Variants in BRI3BP observed in about 807,000 individuals in gnomAD.
BRI3BP encodes the protein BRI3-binding protein.
A neutral mutation model predicts 15.8 loss-of-function variants in BRI3BP; 7 were observed. The observed-to-expected ratio is 0.44, with a 90% confidence interval of 0.25 to 0.83. BRI3BP has a LOEUF of 0.83. BRI3BP is among the 40% of genes least tolerant of loss of function. The probability of loss-of-function intolerance (pLI) is 0.20; values close to 1 mark genes in which losing one functional copy is unlikely to be tolerated. For missense variants in BRI3BP, 320 were observed against 339.3 expected, an observed-to-expected ratio of 0.94 and a Z score of 0.45; for synonymous variants, 192 against 163.5, an observed-to-expected ratio of 1.17 and a Z score of -1.33.
chr12:124,998,588 T>C (rs1955058995), intron 1 of BRI3BP, among the ~76,000 whole-genome samples: 1 of 151,968 alleles, frequency 6.6e-6, no homozygotes. Context: ...AGCAGATGGG[T>C]GGTTGCCAGG....
At chr12:125,050,616 C>T in the BRI3BP span, among the ~76,000 whole-genome samples, 2 of 152,222 alleles carry the variant, frequency 1.3e-5, no homozygotes, top group Non-Finnish European at 2.9e-5. Flanking sequence ...CGTCGGGGAA[C>T]CCCCAAGGGA....
intron 1 of BRI3BP, among the ~76,000 whole-genome samples, chr12:124,995,976 T>C (rs1488859774): frequency 6.6e-6 from 1 of 152,006 alleles, no homozygotes; most frequent in Non-Finnish European, 1.5e-5. Context: ...TGCAGTGGAG[T>C]GATCTCGTCT....
intron 2 of BRI3BP, 135 bp from the exon 3 acceptor site, chr12:125,024,856 G>A: frequency 1.4e-6 from 1 of 730,780 alleles, no homozygotes; most frequent in Non-Finnish European, 2.2e-6. Flanking sequence ...ATTCACAGAG[G>A]AACTTCCTTG....
chr12:125,027,070 G>C lies in BRI3BP; in HGVS notation c.*1640G>C, dbSNP rs770283346. 6.6e-6 allele frequency: 1 copy of C among 151,954 alleles called. No individual in the cohort carries two copies. Among genetic ancestry groups the C allele is most frequent in the East Asian group, 1.9e-4 (1 of 5,184 alleles). 9.4% of individuals were successfully genotyped at this position (151,954 alleles called of 1,614,324 possible). A position where few individuals can be genotyped will look rare whatever the true frequency, so the allele number is the denominator to read the frequency against. On this transcript the variant is annotated 3_prime_UTR_variant, in exon 3 of 3. Transcript: ENST00000341446. ...TGGCAACCCGCTCACAGTGCCCTGC[G>C]TGCAGGTTTATAGATAACCCCTGCC...
chr12:125,001,523 T>G (rs1459680678), intron 1 of BRI3BP, among the ~76,000 whole-genome samples: 2 of 151,922 alleles, frequency 1.3e-5, no homozygotes, highest in Non-Finnish European at 2.9e-5. Context: ...CCATGCCTAT[T>G]TATTTATTTA....
the BRI3BP span, among the ~76,000 whole-genome samples, chr12:125,046,743 C>T: frequency 6.6e-6 from 1 of 152,192 alleles, no homozygotes; most frequent in Non-Finnish European, 1.5e-5. Context: ...CATTATCAGT[C>T]ATACGTGCGT....
chr12:125,001,533 A>G (rs1955091197), intron 1 of BRI3BP, among the ~76,000 whole-genome samples: 1 of 151,406 alleles, frequency 6.6e-6, no homozygotes, highest in Non-Finnish European at 1.5e-5. Flanking sequence ...TTATTTATTT[A>G]TTGTATTTTT....
chr12:125,021,272 T>C (rs139874949), intron 2 of BRI3BP, among the ~76,000 whole-genome samples: 18 of 152,122 alleles, frequency 1.2e-4, no homozygotes, highest in African/African-American at 4.3e-4. Context: ...CTGTGCGGAG[T>C]CTGATCATTT....
At chr12:125,039,939 C>T in the BRI3BP span, among the ~76,000 whole-genome samples, 2 of 152,200 alleles carry the variant, frequency 1.3e-5, no homozygotes, top group Non-Finnish European at 2.9e-5. Context: ...CAGCTGTCTT[C>T]TCTTTAGCTA....
chr12:125,050,657 C>T, the BRI3BP span, among the ~76,000 whole-genome samples: 1 of 152,338 alleles, frequency 6.6e-6, no homozygotes, highest in East Asian at 1.9e-4. Flanking sequence ...GCGGTCATGG[C>T]GCTTGCTCTT....
Position 124,993,935 on chromosome 12 carries a change from A to G in BRI3BP, c.145A>G (p.Thr49Ala), listed in dbSNP as rs1323391602. 7.4e-7 allele frequency: 1 copy of G among 1,355,578 alleles called. No individual in the cohort carries two copies. The highest frequency in any genetic ancestry group is 9.6e-7 in the Non-Finnish European group (1 of 1,041,962). The allele number at this position is 1,355,578 out of a possible 1,614,324, so 84.0% of individuals were successfully genotyped here. Residue 49 changes from threonine (T) to alanine (A), a missense_variant, in exon 1 of 3, where the codon ACG (threonine) becomes GCG (alanine). Coordinates refer to ENST00000341446, the MANE Select transcript of BRI3BP (RefSeq NM_080626.6). Reference sequence around the variant, plus strand: ...CGCGGAGAAGAACAGCTACCGCCGCACGGTCAACACCTTCTCCCAGAGCGT... The same window carrying G: ...CGCGGAGAAGAACAGCTACCGCCGCGCGGTCAACACCTTCTCCCAGAGCGT... Reference protein sequence around the residue: ...GGAEKNSYRRTVNTFSQSVSS... With the variant: ...GGAEKNSYRRAVNTFSQSVSS...
chr12:125,041,746 G>T, the BRI3BP span, among the ~76,000 whole-genome samples: 2 of 152,334 alleles, frequency 1.3e-5, no homozygotes, highest in East Asian at 3.9e-4. Context: ...TGTTTGACTA[G>T]TGTGCAGTGG....
At chr12:124,999,718 T>C (rs1044553764) in intron 1 of BRI3BP, among the ~76,000 whole-genome samples, 14 of 150,218 alleles carry the variant, frequency 9.3e-5, no homozygotes, top group Admixed American at 2.7e-4. Context: ...CCTGGGTTCA[T>C]GCCATTCTTC....
Position 125,010,012 on chromosome 12 carries a change from G to GA in BRI3BP, c.214-2520dup, listed in dbSNP as rs764162791. On this transcript the variant is annotated intron_variant, in intron 1 of 2. Transcript: ENST00000341446. ...AGCTACTCAGGAGGCTGAAGCAGGA[G>GA]AATCTCTTGAACCCAGGAGGCGAAG... is the stretch of plus-strand genomic sequence containing the variant. Among the ~76,000 whole-genome samples, 171 of 152,016 alleles carry GA rather than the reference G, an allele frequency of 1.1e-3. 2 individuals carry two copies. Among genetic ancestry groups the GA allele is most frequent in the Non-Finnish European group, 2.1e-3 (142 of 68,012 alleles).
At chr12:125,001,587 C>G (rs934982358) in intron 1 of BRI3BP, among the ~76,000 whole-genome samples, 1 of 151,446 alleles carries the variant, frequency 6.6e-6, no homozygotes, top group Non-Finnish European at 1.5e-5. Flanking sequence ...GTTGCCCAGG[C>G]TGGTCTCTTG....
At position 125,025,447 on chromosome 12, in the gene BRI3BP, C is replaced by T. The variant is rs190444285; in HGVS notation, c.*17C>T. 97 of 1,565,280 alleles carry T rather than the reference C, an allele frequency of 6.2e-5. No homozygotes were observed. Among genetic ancestry groups the T allele is most frequent in the African/African-American group, 1.2e-4 (9 of 73,898 alleles). On this transcript the variant is annotated 3_prime_UTR_variant, in exon 3 of 3. Transcript: ENST00000341446. ...GACAAGTGAAGGTCAGCCGGCCGGG[C>T]GGGTCCACAGTTACCAGCACGCTGT...
chr12:125,047,474 T>C, the BRI3BP span, among the ~76,000 whole-genome samples: 1 of 149,100 alleles, frequency 6.7e-6, no homozygotes, highest in Non-Finnish European at 1.5e-5. Flanking sequence ...CACCCGGCCT[T>C]TTTTTTTCTT....
At position 125,025,749 on chromosome 12, in the gene BRI3BP, G is replaced by A. The variant is rs556999171; in HGVS notation, c.*319G>A. 6.8e-5 allele frequency: 15 copies of A among 219,212 alleles called. No individual in the cohort carries two copies. In the South Asian group the frequency reaches 8.5e-4, roughly 12 times the overall value. 13.6% of individuals were successfully genotyped at this position (219,212 alleles called of 1,614,324 possible). Reference sequence around the variant, plus strand: ...TAGAGCATAAAGTTAATTTTTTCAAGCATTTAAATACATCTTTTGTAAGGT... The same window carrying A: ...TAGAGCATAAAGTTAATTTTTTCAAACATTTAAATACATCTTTTGTAAGGT... On this transcript the variant is annotated 3_prime_UTR_variant, in exon 3 of 3. Transcript: ENST00000341446.
intron 1 of BRI3BP, among the ~76,000 whole-genome samples, chr12:124,996,615 C>A (rs1490283499): frequency 6.6e-6 from 1 of 152,092 alleles, no homozygotes; most frequent in Non-Finnish European, 1.5e-5. Flanking sequence ...CGTAAGCCAC[C>A]GTGCCCAGCC....
Sources: allele counts gnomAD v4.1 joint callset (sites outside exome capture counted in the v4.1 genomes callset), GRCh38; gene constraint gnomAD v4.1.1; transcripts MANE v1.5; gene names NCBI Gene and HGNC (gene_info 2026-07-23, HGNC 2026-07-21).